TRMT61B: variants seen among roughly 807,000 people sequenced by gnomAD.
TRMT61B encodes the protein tRNA methyltransferase 61B.
Under a neutral mutation model 52.0 loss-of-function variants are expected in TRMT61B, and 56 were observed. The ratio of observed to expected loss-of-function variants is 1.08; its 90% CI spans 0.87 to 1.35. The LOEUF is 1.35. TRMT61B is among the 40% of genes most tolerant of loss of function. TRMT61B has a pLI of 0.00. For missense variants in TRMT61B, 650 were observed against 577.9 expected, an observed-to-expected ratio of 1.12 and a Z score of -1.28; for synonymous variants, 206 against 220.0, an observed-to-expected ratio of 0.94 and a Z score of 0.56.
In TRMT61B at chr2:28,851,913, T is replaced by TA. The variant is rs1230041550; in HGVS notation, c.1085+494dup. Reference sequence around the variant, plus strand: ...AAAAAAAAAAAAAACGAAAAAAGTTTAAAAAAAAAAAACACTAAATAAATA... The same window carrying TA: ...AAAAAAAAAAAAAACGAAAAAAGTTTAAAAAAAAAAAAACACTAAATAAATA... On this transcript the variant is annotated intron_variant, in intron 4 of 6. Transcript: ENST00000306108. Among the ~76,000 whole-genome samples the TA allele has an allele frequency of 1.1e-3, 141 of 133,612 alleles. 1 individual carries two copies. Among genetic ancestry groups the TA allele is most frequent in the African/African-American group, 1.9e-3 (67 of 35,600 alleles). The allele number at this position is 133,612 out of a possible 152,430, so 87.7% of individuals were successfully genotyped here.
rs892053357 is a variant in TRMT61B at position 28,852,462 on chromosome 2, G to C, written c.1031C>G (p.Pro344Arg). The change falls in exon 4 of 7, where the codon CCT becomes CGT. Residue 344 changes from proline (P) to arginine (R), a missense_variant. Coordinates refer to ENST00000306108, the MANE Select transcript of TRMT61B (RefSeq NM_017910.4). The stretch of plus-strand genomic sequence containing the variant: ...ATGCTTAAGATGTGGGTAAAAAACA[G>C]GCAAAGTAACATGAGGATTTAACAT... ...LDMLNPHVTL[P>R]VFYPHLKHGG... 1.9e-6 allele frequency: 3 copies of C among 1,612,574 alleles called. No homozygotes were observed. In the African/African-American group the frequency reaches 4.0e-5, roughly 22 times the overall value.
At chr2:28,861,849 A>G (rs1669611234) in intron 2 of TRMT61B, 1 of 152,258 alleles carries the variant, frequency 6.6e-6, no homozygotes, top group Non-Finnish European at 1.5e-5. Flanking sequence ...TTCACATAAT[A>G]TTACATTGTC....
intron 1 of TRMT61B, among the ~76,000 whole-genome samples, chr2:28,868,445 A>C (rs544983873): frequency 6.6e-6 from 1 of 152,216 alleles, no homozygotes; most frequent in Non-Finnish European, 1.5e-5. Context: ...CATGACACTT[A>C]ACACTACTGG....
intron 1 of TRMT61B, among the ~76,000 whole-genome samples, chr2:28,867,998 G>C (rs1669920230): frequency 6.6e-6 from 1 of 151,968 alleles, no homozygotes; most frequent in Non-Finnish European, 1.5e-5. Context: ...GCTACAGTAA[G>C]AGGTGATTGA....
At position 28,849,881 on chromosome 2, in the gene TRMT61B, G is replaced by T. The variant is rs960512700; in HGVS notation, c.*318C>A. 1.3e-6 allele frequency: 2 copies of T among 1,588,450 alleles called. No homozygotes were observed. The highest frequency in any genetic ancestry group is 2.7e-5 in the African/African-American group (2 of 73,634). ...ATGACCATCAATCAAATAAAGGAAA[G>T]AAAACTAATTTCTTGAAGAAAGACA... On this transcript the variant is annotated 3_prime_UTR_variant, in exon 7 of 7. Coordinates refer to ENST00000306108, the MANE Select transcript of TRMT61B (RefSeq NM_017910.4).
chr2:28,869,847 G>A lies in TRMT61B; in HGVS notation c.431C>T (p.Ser144Leu), dbSNP rs1018854957. 1.2e-6 allele frequency: 2 copies of A among 1,614,034 alleles called. No homozygotes were observed. The highest frequency in any genetic ancestry group is 2.7e-5 in the African/African-American group (2 of 74,930). ...VEERHVSPSCSTSRERPFQAG... is the reference protein window; with the variant it reads ...VEERHVSPSCLTSRERPFQAG... Reference sequence around the variant, plus strand: ...CTGAAAGGGTCTCTCTCTGGAAGTTGAACAAGAAGGGGAGACGTGACGCTC... The same window carrying A: ...CTGAAAGGGTCTCTCTCTGGAAGTTAAACAAGAAGGGGAGACGTGACGCTC... The change falls in exon 1 of 7, where the codon TCA becomes TTA. Residue 144 changes from serine (S) to leucine (L), a missense_variant. Ser to Leu is a moderately radical substitution (Grantham distance 145). Transcript: ENST00000306108.
chr2:28,854,122 C>A (rs1558340049), intron 3 of TRMT61B, among the ~76,000 whole-genome samples: 1 of 152,122 alleles, frequency 6.6e-6, no homozygotes, highest in Non-Finnish European at 1.5e-5. Flanking sequence ...AGTCAAGGGA[C>A]ATCTTATTAA....
At chr2:28,861,816 G>T (rs1244732068) in intron 2 of TRMT61B, 4 of 152,314 alleles carry the variant, frequency 2.6e-5, no homozygotes, top group Admixed American at 2.6e-4. Flanking sequence ...TGGAATTGCT[G>T]GCTCAAGGGG....
At chr2:28,861,553 CTG>C in intron 2 of TRMT61B, 1 of 440,320 alleles carries the variant, frequency 2.3e-6, no homozygotes. Flanking sequence ...AAGTATCTCT[CTG>C]TGTTTTTAAT....
chr2:28,849,832 A>T lies in TRMT61B; in HGVS notation c.*367T>A, dbSNP rs113746661. On this transcript the variant is annotated 3_prime_UTR_variant, in exon 7 of 7. Transcript: ENST00000306108. Reference sequence around the variant, plus strand: ...ACAGATACATAAAATTTATCTTAAAATGCATATTTTATTTCAGTAGTCAAT... The same window carrying T: ...ACAGATACATAAAATTTATCTTAAATTGCATATTTTATTTCAGTAGTCAAT... 7.2e-7 allele frequency: 1 copy of T among 1,392,262 alleles called. No homozygotes were observed. The allele number at this position is 1,392,262 out of a possible 1,614,324, so 86.2% of individuals were successfully genotyped here. A position where few individuals can be genotyped will look rare whatever the true frequency, so the allele number is the denominator to read the frequency against.
At chr2:28,850,642 C>T (rs111958924) in intron 5 of TRMT61B, 18 of 412,870 alleles carry the variant, frequency 4.4e-5, no homozygotes, top group African/African-American at 2.7e-4. Context: ...TCAACTGATA[C>T]TTGAAAACTT....
chr2:28,858,012 G>C (rs1001979806), intron 3 of TRMT61B, among the ~76,000 whole-genome samples: 1 of 149,734 alleles, frequency 6.7e-6, no homozygotes, highest in Non-Finnish European at 1.5e-5. Flanking sequence ...TCTTTTGATG[G>C]TTAAGCTGTT....
rs762200391 is a variant in TRMT61B, at chr2:28,861,263, TG to T, written c.847del (p.His283ThrfsTer18). On this transcript the variant is annotated frameshift_variant, in exon 3 of 7. Transcript: ENST00000306108. LOFTEE classifies it high-confidence loss of function. ...GTAATTCTTCTTAGCCAGATCATGG[TG>T]GTCTTTTCGTACCTCAAAACTTATG... ...RVISFEVRKD[H>X]HDLAKKNYKH... is the part of the protein sequence containing the mutation. The T allele has an allele frequency of 2.9e-5, 47 of 1,610,376 alleles. No individual in the cohort carries two copies. Among genetic ancestry groups the T allele is most frequent in the Non-Finnish European group, 4.0e-5 (47 of 1,179,100 alleles).
In TRMT61B at chr2:28,869,690, G is replaced by A. The variant is rs747760654; in HGVS notation, c.588C>T (p.Phe196=). The A allele has an allele frequency of 6.2e-7, 1 of 1,614,146 alleles. No individual in the cohort carries two copies. The highest frequency in any genetic ancestry group is 1.1e-5 in the South Asian group (1 of 91,086). Residue 196 remains phenylalanine (F), a synonymous_variant, in exon 1 of 7, where the codon TTC becomes TTT. Transcript: ENST00000306108. ...AGGAACTCCTCAGTATCTGGCCGGG[G>A]AACTTCCCCACGATCTTGCCGAACG... The part of the protein sequence containing the change: ...AVPFGKIVGK[F]PGQILRSSFG...
intron 3 of TRMT61B, among the ~76,000 whole-genome samples, chr2:28,859,246 A>AT (rs1448579754): frequency 6.6e-6 from 1 of 151,812 alleles, no homozygotes; most frequent in Non-Finnish European, 1.5e-5. Flanking sequence ...CGCCCGGCTA[A>AT]TTTTTTATAT....
rs780163534 is a variant in TRMT61B at position 28,861,198 on chromosome 2, C to G, written c.913G>C (p.Glu305Gln). Residue 305 changes from glutamate (E) to glutamine (Q), a missense_variant, in exon 3 of 7, where the codon GAG becomes CAG. Glu to Gln is a conservative substitution (Grantham distance 29). Coordinates refer to ENST00000306108, the MANE Select transcript of TRMT61B (RefSeq NM_017910.4). ...ATAAAATCCACATTGTCTGGCCACT[C>G]TTCTACATGACTTAATTTCCATGAA... ...RDSWKLSHVE[E>Q]WPDNVDFIHK... is the part of the protein sequence containing the mutation. The G allele has an allele frequency of 6.2e-7, 1 of 1,613,902 alleles. No individual in the cohort carries two copies. Among genetic ancestry groups the G allele is most frequent in the South Asian group, 1.1e-5 (1 of 91,004 alleles).
At position 28,870,253 on chromosome 2, in the gene TRMT61B, G is replaced by A. The variant is rs1158193840; in HGVS notation, c.25C>T (p.Pro9Ser). The A allele has an allele frequency of 1.9e-6, 3 of 1,599,876 alleles. No homozygotes were observed. The highest frequency in any genetic ancestry group is 2.2e-5 in the South Asian group (2 of 90,280). Residue 9 changes from proline to serine, a missense_variant, in exon 1 of 7, where the codon CCT (proline) becomes TCT (serine). Coordinates refer to ENST00000306108, the MANE Select transcript of TRMT61B (RefSeq NM_017910.4). MLMAWCRG[P>S]VLLCLRQGLG... ...CCCTGCCGCAGGCACAGCAAGACAG[G>A]ACCGCGGCACCATGCCATTAGCATA...
chr2:28,868,832 G>A (rs890128905), intron 1 of TRMT61B, among the ~76,000 whole-genome samples: 1 of 152,174 alleles, frequency 6.6e-6, no homozygotes, highest in Non-Finnish European at 1.5e-5. Flanking sequence ...GGGCAATAAG[G>A]CGAAACCCCG....
chr2:28,860,366 C>T (rs551411720), intron 3 of TRMT61B, among the ~76,000 whole-genome samples: 3 of 149,258 alleles, frequency 2.0e-5, no homozygotes, highest in African/African-American at 7.4e-5. Flanking sequence ...ATCCTTCCAG[C>T]AGCCAATTAA....
Sources: gnomAD v4.1 joint callset for allele counts (sites outside exome capture counted in the v4.1 genomes callset) on GRCh38, gnomAD v4.1.1 for gene constraint, MANE v1.5 for transcripts, NCBI Gene and HGNC (gene_info 2026-07-23, HGNC 2026-07-21) for gene names.